Variants in COL23A1 observed in about 807,000 individuals in gnomAD.
COL23A1 encodes the protein collagen alpha-1(XXIII) chain.
COL23A1 carries 97 observed loss-of-function variants against 99.3 expected under a neutral mutation model. The observed-to-expected ratio is 0.98, with a 90% CI of 0.83 to 1.16. The LOEUF (loss-of-function observed/expected upper bound fraction) is 1.16, where lower values mean the gene tolerates loss of function less well. COL23A1 is among the 50% of genes most tolerant of loss of function. The probability of loss-of-function intolerance (pLI) is 0.00; values close to 1 mark genes in which losing one functional copy is unlikely to be tolerated. For missense variants in COL23A1, 762 were observed against 757.4 expected (o/e 1.01, Z -0.07); for synonymous variants, 320 against 308.2 (o/e 1.04, Z -0.40).
chr5:178,343,444 G>A (rs188420747), intron 2 of COL23A1, among the ~76,000 whole-genome samples: 56 of 152,152 alleles, frequency 3.7e-4, no homozygotes, highest in African/African-American at 1.2e-3. Flanking sequence ...TAAACTTGTC[G>A]GTAAAAAGGC....
chr5:178,342,865 CG>C (rs1361415802), intron 2 of COL23A1, among the ~76,000 whole-genome samples: 2 of 152,218 alleles, frequency 1.3e-5, no homozygotes, highest in East Asian at 3.9e-4. Context: ...GCAACACATT[CG>C]AGTGAAACTT....
intron 2 of COL23A1, among the ~76,000 whole-genome samples, chr5:178,435,936 G>A (rs1460200492): frequency 6.6e-6 from 1 of 152,202 alleles, no homozygotes; most frequent in Admixed American, 6.5e-5. Flanking sequence ...TGCCCGGGAT[G>A]AGTTTACAGA....
chr5:178,442,511 G>A (rs149818771), intron 2 of COL23A1, among the ~76,000 whole-genome samples: 35 of 152,292 alleles, frequency 2.3e-4, no homozygotes, highest in African/African-American at 7.7e-4. Flanking sequence ...AGGCCCGAGC[G>A]TCTCCCTCCC....
At position 178,365,656 on chromosome 5, in the gene COL23A1, C is replaced by T. The variant is rs554584618; in HGVS notation, c.362-58737G>A. 1.6e-4 allele frequency among the ~76,000 whole-genome samples: 24 copies of T among 152,312 alleles called. No homozygotes were observed. In the East Asian group the frequency reaches 4.6e-3, roughly 29 times the overall value. ...ACCCGCCAGGCATGCAGTGGCCCCTCTCTTCTCCTCGACAACTGCGTGCTG... is the reference window on the plus strand; with the variant it reads ...ACCCGCCAGGCATGCAGTGGCCCCTTTCTTCTCCTCGACAACTGCGTGCTG... On this transcript the variant is annotated intron_variant, in intron 2 of 28. Coordinates refer to ENST00000390654, the MANE Select transcript of COL23A1 (RefSeq NM_173465.4). The surrounding 1 kb of genome is among the most constrained non-coding windows in gnomAD (Gnocchi z 5.2).
At chr5:178,503,620 AT>A (rs1212794823) in intron 2 of COL23A1, among the ~76,000 whole-genome samples, 3 of 152,140 alleles carry the variant, frequency 2.0e-5, no homozygotes, top group Non-Finnish European at 4.4e-5. Context: ...ATGTGCACGT[AT>A]GTAAACGCAT....
intron 17 of COL23A1, among the ~76,000 whole-genome samples, chr5:178,251,025 AT>A (rs70994990): frequency 7.9e-4 from 96 of 121,238 alleles, no homozygotes; most frequent in Non-Finnish European, 9.8e-4. Flanking sequence ...TCGCAAGATA[AT>A]TTTTTTTTTT....
chr5:178,530,383 C>T (rs1760577345), intron 2 of COL23A1, among the ~76,000 whole-genome samples: 1 of 152,062 alleles, frequency 6.6e-6, no homozygotes, highest in Non-Finnish European at 1.5e-5. Context: ...GATCACTTGA[C>T]CCTGGAAAGT....
Position 178,238,630 on chromosome 5 carries a change from CTGTTT to C in COL23A1, c.*63_*67del. On this transcript the variant is annotated 3_prime_UTR_variant, in exon 29 of 29. Coordinates refer to ENST00000390654, the MANE Select transcript of COL23A1 (RefSeq NM_173465.4). ...TCCATGAAAAAAGATCAATATATTA[CTGTTT>C]TGTTTTTACAAAAATTAAAAATGTC... 1 of 1,588,598 alleles carries C rather than the reference CTGTTT, an allele frequency of 6.3e-7. No individual in the cohort carries two copies. Among genetic ancestry groups the C allele is most frequent in the Non-Finnish European group, 8.6e-7 (1 of 1,158,988 alleles).
intron 2 of COL23A1, among the ~76,000 whole-genome samples, chr5:178,377,404 C>A (rs1763132063): frequency 6.6e-6 from 1 of 152,218 alleles, no homozygotes; most frequent in African/African-American, 2.4e-5. Flanking sequence ...GGGGCCGGGG[C>A]CACCCCACTG....
chr5:178,357,718 ATGTGTGTGTG>A (rs144352054), intron 2 of COL23A1, among the ~76,000 whole-genome samples: 63,072 of 145,818 alleles, frequency 0.43, 13,222 homozygotes, highest in South Asian at 0.46. Context: ...AAATGTGTGT[ATGTGTGTGTG>A]TGTGTGTGTA....
At chr5:178,357,949 T>C (rs1169079469) in intron 2 of COL23A1, among the ~76,000 whole-genome samples, 1 of 150,768 alleles carries the variant, frequency 6.6e-6, no homozygotes, top group Admixed American at 6.6e-5. Context: ...TATGTGTGTG[T>C]ATGTATATGT....
intron 2 of COL23A1, among the ~76,000 whole-genome samples, chr5:178,485,450 G>A (rs1359939531): frequency 6.6e-6 from 1 of 150,942 alleles, no homozygotes; most frequent in Non-Finnish European, 1.5e-5. Context: ...ACTCCAGCCT[G>A]GGTGACAAAA....
chr5:178,455,901 C>A (rs1337408449), intron 2 of COL23A1, among the ~76,000 whole-genome samples: 2 of 152,104 alleles, frequency 1.3e-5, no homozygotes, highest in Admixed American at 6.5e-5. Flanking sequence ...ATGAATAATT[C>A]TCAGGTGTAT....
At position 178,349,903 on chromosome 5, in the gene COL23A1, C is replaced by T. The variant is rs77056901; in HGVS notation, c.362-42984G>A. Among the ~76,000 whole-genome samples the T allele has an allele frequency of 2.6e-5, 4 of 152,274 alleles. No homozygotes were observed. The East Asian group carries it at 7.8e-4, about 30-fold the overall frequency. ...CTGGTACCTCCCTGGGGTACTCTCT[C>T]CCTCCCAGGCCTGGAGAAGGTGGGC... On this transcript the variant is annotated intron_variant, in intron 2 of 28. Coordinates refer to ENST00000390654, the MANE Select transcript of COL23A1 (RefSeq NM_173465.4).
chr5:178,249,716 A>ACACACACACACTCACTCTCTCTCTCT, intron 18 of COL23A1, among the ~76,000 whole-genome samples: 19 of 92,750 alleles, frequency 2.0e-4, no homozygotes, highest in Non-Finnish European at 2.6e-4. Flanking sequence ...ACACACACAC[A>ACACACACACACTCACTCTCTCTCTCT]CTCTCTCTCT....
chr5:178,572,203 A>G (rs1763145522), intron 1 of COL23A1, among the ~76,000 whole-genome samples: 1 of 152,170 alleles, frequency 6.6e-6, no homozygotes, highest in African/African-American at 2.4e-5. Context: ...GAAGACAGCA[A>G]TGGAAACTAC....
intron 2 of COL23A1, among the ~76,000 whole-genome samples, chr5:178,418,164 C>T (rs1055662470): frequency 2.0e-5 from 3 of 152,224 alleles, no homozygotes; most frequent in African/African-American, 7.2e-5. Flanking sequence ...GTCTTGGTTT[C>T]ATAATGTGTA....
In COL23A1 at chr5:178,384,595, C is replaced by CTGG. The variant is rs1763568990; in HGVS notation, c.362-77677_362-77676insCCA. On this transcript the variant is annotated intron_variant, in intron 2 of 28. Coordinates refer to ENST00000390654, the MANE Select transcript of COL23A1 (RefSeq NM_173465.4). This position sits in a 1 kb window ranked among gnomAD's most constrained non-coding sequence, Gnocchi z 5.5. ...TGCTCCTGCGCTGATTCTGCTCCTG[C>CTGG]CTCAGAGATCACGGTTTGACATGGG... 6.6e-6 allele frequency among the ~76,000 whole-genome samples: 1 copy of CTGG among 152,190 alleles called. No individual in the cohort carries two copies. Among genetic ancestry groups the CTGG allele is most frequent in the South Asian group, 2.1e-4 (1 of 4,830 alleles).
chr5:178,444,565 CAGGCAGA>C, intron 2 of COL23A1, among the ~76,000 whole-genome samples: 1 of 152,232 alleles, frequency 6.6e-6, no homozygotes, highest in East Asian at 1.9e-4. Flanking sequence ...GAGGCCAAGG[CAGGCAGA>C]TCATCTGAGA....
Sources: allele counts gnomAD v4.1 joint callset (sites outside exome capture counted in the v4.1 genomes callset), GRCh38; gene constraint gnomAD v4.1.1; non-coding constraint Gnocchi (gnomAD v3.1); transcripts MANE v1.5; gene names NCBI Gene and HGNC (gene_info 2026-07-23, HGNC 2026-07-21).